Variants in RGS17 observed in about 807,000 individuals in gnomAD.
RGS17 encodes regulator of G-protein signaling 17.
In RGS17, 12 loss-of-function variants were observed where a neutral mutation model predicts 25.5. The ratio of observed to expected loss-of-function variants is 0.47; its 90% CI spans 0.30 to 0.76. The LOEUF (loss-of-function observed/expected upper bound fraction) is 0.76. Ranked by LOEUF, RGS17 falls within the 30% of genes least tolerant of loss-of-function variation. RGS17 has a pLI of 0.07. For synonymous variants in RGS17, 71 were observed against 76.9 expected, an observed-to-expected ratio of 0.92 and a Z score of 0.40; for missense variants, 196 against 242.2, an observed-to-expected ratio of 0.81 and a Z score of 1.27.
At chr6:153,082,085 A>G (rs1409448172) in intron 1 of RGS17, among the ~76,000 whole-genome samples, 1 of 152,122 alleles carries the variant, frequency 6.6e-6, no homozygotes, top group Non-Finnish European at 1.5e-5. Flanking sequence ...AGTGTTTGGG[A>G]GAAGTTTGTA....
chr6:153,024,917 A>G (rs1779283676), intron 3 of RGS17, among the ~76,000 whole-genome samples: 1 of 152,032 alleles, frequency 6.6e-6, no homozygotes, highest in Non-Finnish European at 1.5e-5. Flanking sequence ...CATAAGATAC[A>G]GTTTTTTTTT....
At chr6:153,112,173 C>T (rs1043695184) in intron 1 of RGS17, among the ~76,000 whole-genome samples, 16 of 151,780 alleles carry the variant, frequency 1.1e-4, no homozygotes, top group African/African-American at 3.9e-4. Flanking sequence ...AATATAAGAA[C>T]CTTGAAAAAA....
At position 153,120,579 on chromosome 6, in the gene RGS17, A is replaced by T. The variant is rs1413696821; in HGVS notation, c.-26+10545T>A. On this transcript the variant is annotated intron_variant, in intron 1 of 4. Coordinates refer to ENST00000206262, the MANE Select transcript of RGS17 (RefSeq NM_012419.5). ...CTACTTCCCTTGACCGCCCCCCTGCATGGACTGATGAAGCGCCTGTCCCAT... is the reference window on the plus strand; with the variant it reads ...CTACTTCCCTTGACCGCCCCCCTGCTTGGACTGATGAAGCGCCTGTCCCAT... 2.6e-5 allele frequency among the ~76,000 whole-genome samples: 4 copies of T among 152,148 alleles called. No individual in the cohort carries two copies. In the East Asian group the frequency reaches 7.7e-4, roughly 29 times the overall value.
intron 1 of RGS17, among the ~76,000 whole-genome samples, chr6:153,048,659 T>G (rs1427197833): frequency 6.6e-6 from 1 of 152,226 alleles, no homozygotes; most frequent in African/African-American, 2.4e-5. Flanking sequence ...TACAATTACG[T>G]GTCAAGACCT....
Position 153,062,727 on chromosome 6 carries a change from G to A in RGS17, c.-25-18684C>T, listed in dbSNP as rs535189270. 5.3e-5 allele frequency among the ~76,000 whole-genome samples: 8 copies of A among 152,202 alleles called. No homozygotes were observed. The East Asian group carries it at 1.6e-3, about 30-fold the overall frequency. ...CTGCACAGCTTGTGGTTCCAAAATA[G>A]ATACCTTCTTTCCACTTGAGGAGAG... On this transcript the variant is annotated intron_variant, in intron 1 of 4. Transcript: ENST00000206262.
intron 4 of RGS17, among the ~76,000 whole-genome samples, chr6:153,019,201 T>G (rs565582263): frequency 6.6e-6 from 1 of 152,220 alleles, no homozygotes; most frequent in Non-Finnish European, 1.5e-5. Context: ...AGCTGCTAAG[T>G]GGCTCACAGA....
intron 2 of RGS17, among the ~76,000 whole-genome samples, 180 bp downstream of exon 2, chr6:153,043,720 A>T (rs1776350540): frequency 6.6e-6 from 1 of 152,186 alleles, no homozygotes; most frequent in Non-Finnish European, 1.5e-5. Context: ...GAAATATTAT[A>T]TATTTTGTTT....
At chr6:153,124,330 G>T (rs1584169341) in intron 1 of RGS17, among the ~76,000 whole-genome samples, 1 of 152,172 alleles carries the variant, frequency 6.6e-6, no homozygotes, top group Admixed American at 6.5e-5. Context: ...AAATATGTTT[G>T]TAAGCAGGTT....
At chr6:153,115,794 A>C (rs1169394638) in intron 1 of RGS17, among the ~76,000 whole-genome samples, 2 of 152,208 alleles carry the variant, frequency 1.3e-5, no homozygotes, top group Non-Finnish European at 1.5e-5. Flanking sequence ...CTGATCTTTG[A>C]CAAACCTGAG....
At chr6:153,018,520 GTAAT>G (rs1779208172) in intron 4 of RGS17, among the ~76,000 whole-genome samples, 1 of 152,138 alleles carries the variant, frequency 6.6e-6, no homozygotes, top group Admixed American at 6.5e-5. Context: ...CCAATGTAAA[GTAAT>G]TAATAATAAT....
chr6:153,079,980 T>G (rs1776949544), intron 1 of RGS17, among the ~76,000 whole-genome samples: 2 of 152,166 alleles, frequency 1.3e-5, no homozygotes, highest in South Asian at 4.1e-4. Context: ...TTTTTCTGTT[T>G]TTTATTTTTA....
chr6:153,013,534 GGTTA>G (rs1390080600), intron 4 of RGS17, among the ~76,000 whole-genome samples: 1 of 152,172 alleles, frequency 6.6e-6, no homozygotes, highest in East Asian at 1.9e-4. Flanking sequence ...GCTAAGAAAT[GGTTA>G]GTTAAACTTA....
At chr6:153,027,320 G>C (rs1383804077) in intron 2 of RGS17, among the ~76,000 whole-genome samples, 1 of 152,050 alleles carries the variant, frequency 6.6e-6, no homozygotes, top group Non-Finnish European at 1.5e-5. Context: ...GCTCCCTAAA[G>C]CTGAGCAGTG....
At chr6:153,073,702 C>A (rs954318905) in intron 1 of RGS17, among the ~76,000 whole-genome samples, 5 of 152,146 alleles carry the variant, frequency 3.3e-5, no homozygotes, top group Admixed American at 1.3e-4. Context: ...GAGAAGCCAT[C>A]AGCTTAGGTG....
intron 2 of RGS17, among the ~76,000 whole-genome samples, chr6:153,039,901 A>C (rs1776301048): frequency 6.6e-6 from 1 of 152,310 alleles, no homozygotes; most frequent in South Asian, 2.1e-4. Flanking sequence ...AGTATCTTTC[A>C]AAGTTTTCTT....
intron 2 of RGS17, among the ~76,000 whole-genome samples, chr6:153,027,325 G>C (rs970000335): frequency 1.3e-5 from 2 of 152,090 alleles, no homozygotes. Context: ...CTAAAGCTGA[G>C]CAGTGCTTTA....
chr6:153,030,702 T>C (rs1056374545), intron 2 of RGS17, among the ~76,000 whole-genome samples: 1 of 152,258 alleles, frequency 6.6e-6, no homozygotes, highest in African/African-American at 2.4e-5. Flanking sequence ...ATTTTCAGCA[T>C]TCAAGATATC....
intron 1 of RGS17, among the ~76,000 whole-genome samples, chr6:153,113,451 A>T (rs756808589): frequency 2.6e-5 from 4 of 152,226 alleles, no homozygotes; most frequent in Non-Finnish European, 5.9e-5. Context: ...GAGGCCTATT[A>T]GGGACTTACA....
At chr6:153,045,764 A>G (rs576199018) in intron 1 of RGS17, among the ~76,000 whole-genome samples, 1 of 152,234 alleles carries the variant, frequency 6.6e-6, no homozygotes, top group African/African-American at 2.4e-5. Context: ...TTAGTTTAAC[A>G]AACATATATT....
Sources: allele counts gnomAD v4.1 joint callset (sites outside exome capture counted in the v4.1 genomes callset), GRCh38; gene constraint gnomAD v4.1.1; transcripts MANE v1.5; gene names NCBI Gene and HGNC (gene_info 2026-07-23, HGNC 2026-07-21).